The following PSMA8 variants were observed in gnomAD, a reference collection of about 807,000 sequenced individuals.
The protein encoded by PSMA8 is proteasome 20S subunit alpha 8.
Under a neutral mutation model 32.4 loss-of-function variants are expected in PSMA8, and 18 were observed. That is an observed-to-expected ratio of 0.56 (90% CI 0.38 to 0.82). The LOEUF (loss-of-function observed/expected upper bound fraction) is 0.82. Ranked by LOEUF, PSMA8 falls within the 40% of genes least tolerant of loss-of-function variation. PSMA8 has a pLI of 0.00. For synonymous variants in PSMA8, 104 were observed against 98.1 expected (o/e 1.06, Z -0.36); for missense variants, 298 against 300.7 (o/e 0.99, Z 0.07).
intron 6 of PSMA8, 49 bp downstream of exon 6, chr18:26,179,179 T>G: frequency 6.7e-7 from 1 of 1,496,190 alleles, no homozygotes; most frequent in South Asian, 1.2e-5. Flanking sequence ...TAAAGTATTT[T>G]GACAAAAGTT....
At chr18:26,134,101 C>T (rs2054888915) in intron 1 of PSMA8, 34 bp downstream of exon 1, 2 of 1,518,858 alleles carry the variant, frequency 1.3e-6, no homozygotes, top group African/African-American at 2.7e-5. Flanking sequence ...CTATTCCCCG[C>T]TCTGACCTGT....
intron 4 of PSMA8, among the ~76,000 whole-genome samples, chr18:26,158,683 G>A (rs183515294): frequency 3.9e-5 from 6 of 152,286 alleles, no homozygotes; most frequent in South Asian, 2.1e-4. Context: ...ATACTCATGT[G>A]CTAGTACGTA....
chr18:26,184,773 CAAA>C (rs1278227957), intron 6 of PSMA8, among the ~76,000 whole-genome samples: 6 of 76,984 alleles, frequency 7.8e-5, no homozygotes, highest in Admixed American at 1.6e-4. Context: ...GACTCTGTCT[CAAA>C]AAAAAAAAAA....
intron 1 of PSMA8, among the ~76,000 whole-genome samples, chr18:26,141,266 AT>A (rs1338355678): frequency 6.6e-6 from 1 of 152,138 alleles, no homozygotes; most frequent in Non-Finnish European, 1.5e-5. Flanking sequence ...GATTAAAAAA[AT>A]AAAATGATAA....
At chr18:26,138,150 T>C (rs2054927518) in intron 1 of PSMA8, among the ~76,000 whole-genome samples, 1 of 152,234 alleles carries the variant, frequency 6.6e-6, no homozygotes, top group Non-Finnish European at 1.5e-5. Context: ...TTGATGTGGC[T>C]ACTGTCAGTC....
chr18:26,148,155 A>G (rs2055018461), intron 2 of PSMA8, among the ~76,000 whole-genome samples: 1 of 152,190 alleles, frequency 6.6e-6, no homozygotes, highest in Non-Finnish European at 1.5e-5. Flanking sequence ...AGGAGTAAAC[A>G]CTTCCAAGTT....
intron 2 of PSMA8, among the ~76,000 whole-genome samples, chr18:26,148,913 C>G (rs1208178560): frequency 6.6e-6 from 1 of 152,180 alleles, no homozygotes; most frequent in South Asian, 2.1e-4. Flanking sequence ...GTGGCATCAC[C>G]ATAGCTCACT....
intron 4 of PSMA8, among the ~76,000 whole-genome samples, chr18:26,160,037 C>A (rs2055122811): frequency 6.6e-6 from 1 of 152,102 alleles, no homozygotes; most frequent in Non-Finnish European, 1.5e-5. Flanking sequence ...TGTGGTAGCT[C>A]ACTTCTGTAG....
Position 26,151,844 on chromosome 18 carries a change from G to T in PSMA8, c.230-14G>T. 1 of 1,572,922 alleles carries T rather than the reference G, an allele frequency of 6.4e-7. No individual in the cohort carries two copies. Among genetic ancestry groups the T allele is most frequent in the South Asian group, 1.2e-5 (1 of 83,094 alleles). On this transcript the variant is annotated splice_polypyrimidine_tract_variant and intron_variant, in intron 2 of 6. Coordinates refer to ENST00000415576, the MANE Select transcript of PSMA8 (RefSeq NM_001025096.2). ...GTTTTTGTGGTTTTTGTGAAGTTTT[G>T]ACAATTTTTATAGGACTTACTGCTG...
intron 4 of PSMA8, among the ~76,000 whole-genome samples, chr18:26,173,274 T>C (rs9950432): frequency 0.26 from 39,095 of 152,038 alleles, 8,920 homozygotes; most frequent in African/African-American, 0.61. Flanking sequence ...AGATGTGTAC[T>C]TTCCTCAGGG....
chr18:26,181,082 C>T (rs1478815866), intron 6 of PSMA8, among the ~76,000 whole-genome samples: 2 of 152,082 alleles, frequency 1.3e-5, no homozygotes, highest in South Asian at 4.2e-4. Context: ...TTGTGGCAAC[C>T]CTGTGTTGAG....
chr18:26,187,617 A>G (rs2055366798), intron 6 of PSMA8, among the ~76,000 whole-genome samples: 1 of 152,190 alleles, frequency 6.6e-6, no homozygotes, highest in Non-Finnish European at 1.5e-5. Flanking sequence ...AAACCAAAAA[A>G]GAGCCAGAGT....
chr18:26,152,938 T>A (rs1208935274), intron 3 of PSMA8, among the ~76,000 whole-genome samples: 2 of 152,210 alleles, frequency 1.3e-5, no homozygotes, highest in Non-Finnish European at 2.9e-5. Flanking sequence ...GACTACTCAA[T>A]TTCCAGAACT....
chr18:26,151,147 G>A (rs2055042265), intron 2 of PSMA8, among the ~76,000 whole-genome samples: 1 of 152,180 alleles, frequency 6.6e-6, no homozygotes, highest in Admixed American at 6.5e-5. Context: ...AAATGGTGTG[G>A]AAGGGAAACA....
intron 1 of PSMA8, among the ~76,000 whole-genome samples, chr18:26,141,489 A>G (rs972109276): frequency 6.6e-6 from 1 of 152,088 alleles, no homozygotes; most frequent in African/African-American, 2.4e-5. Context: ...TTTTAGTCCT[A>G]ATATATGTTA....
At chr18:26,166,755 G>A (rs139194190) in intron 4 of PSMA8, among the ~76,000 whole-genome samples, 490 of 152,286 alleles carry the variant, frequency 3.2e-3, no homozygotes, top group Non-Finnish European at 5.9e-3. Flanking sequence ...TCTCAAGGAT[G>A]AGCAAACTGA....
chr18:26,162,999 C>T (rs1285920846), intron 4 of PSMA8, among the ~76,000 whole-genome samples: 1 of 151,674 alleles, frequency 6.6e-6, no homozygotes, highest in Non-Finnish European at 1.5e-5. Context: ...TATTCACCAT[C>T]AAAAGTATAA....
chr18:26,147,821 G>A (rs1028114564), intron 2 of PSMA8, among the ~76,000 whole-genome samples: 1 of 151,992 alleles, frequency 6.6e-6, no homozygotes, highest in Non-Finnish European at 1.5e-5. Flanking sequence ...TAGCTAGATT[G>A]ACTAAGAAAA....
chr18:26,192,594 G>C lies in PSMA8; in HGVS notation c.*183G>C. The C allele has an allele frequency of 1.7e-6, 1 of 576,016 alleles. No homozygotes were observed. Among genetic ancestry groups the C allele is most frequent in the Non-Finnish European group, 2.5e-6 (1 of 397,570 alleles). The allele number at this position is 576,016 out of a possible 1,614,324, so 35.7% of individuals were successfully genotyped here. On this transcript the variant is annotated 3_prime_UTR_variant, in exon 7 of 7. Transcript: ENST00000415576. ...ATTACATAGTCAAACATAGGTTTAT[G>C]TGAAGATTTTCTTTGAAAGGGGATT...
Sources: gnomAD v4.1 joint callset for allele counts (sites outside exome capture counted in the v4.1 genomes callset) on GRCh38, gnomAD v4.1.1 for gene constraint, MANE v1.5 for transcripts, NCBI Gene and HGNC (gene_info 2026-07-23, HGNC 2026-07-21) for gene names.